The following ZDHHC17 variants were observed in gnomAD, a reference collection of about 807,000 sequenced individuals.
ZDHHC17 encodes palmitoyltransferase ZDHHC17.
In ZDHHC17, 40 loss-of-function variants were observed where a neutral mutation model predicts 90.3. The ratio of observed to expected loss-of-function variants is 0.44; its 90% CI spans 0.34 to 0.58. ZDHHC17 has a LOEUF of 0.58. Among genes scored for constraint, ZDHHC17 ranks in the 20% least tolerant of loss-of-function variants. ZDHHC17 has a pLI of 0.01. For missense variants in ZDHHC17, 614 were observed against 780.8 expected (o/e 0.79, Z 2.55); for synonymous variants, 235 against 252.4 (o/e 0.93, Z 0.65).
chr12:76,777,524 A>G (rs913171713), intron 1 of ZDHHC17, among the ~76,000 whole-genome samples: 6 of 152,188 alleles, frequency 3.9e-5, no homozygotes, highest in African/African-American at 1.4e-4. Flanking sequence ...TGTAAACATA[A>G]ATTTTGATTC....
chr12:76,847,266 G>A (rs1370305905), intron 14 of ZDHHC17, among the ~76,000 whole-genome samples: 8 of 152,194 alleles, frequency 5.3e-5, no homozygotes, highest in African/African-American at 1.9e-4. Flanking sequence ...CGTCACTTAC[G>A]ATGCCTCAGG....
chr12:76,838,138 CTTATG>C, intron 10 of ZDHHC17, among the ~76,000 whole-genome samples: 1 of 151,722 alleles, frequency 6.6e-6, no homozygotes, highest in South Asian at 2.1e-4. Context: ...GTTTTATGAT[CTTATG>C]TTTAAGCTTT....
chr12:76,764,738 G>C, intron 1 of ZDHHC17: 1 of 467,336 alleles, frequency 2.1e-6, no homozygotes, highest in South Asian at 1.5e-5. Flanking sequence ...TCGCCAGGGT[G>C]AATGACGGTA....
intron 3 of ZDHHC17, among the ~76,000 whole-genome samples, chr12:76,805,749 TAA>T (rs1952947665): frequency 6.6e-6 from 1 of 152,222 alleles, no homozygotes; most frequent in African/African-American, 2.4e-5. Flanking sequence ...ACAGACAGTT[TAA>T]ATATACTACC....
chr12:76,846,759 ATAATGACAAAGGTCGTTTAAC>A, intron 14 of ZDHHC17, 80 bp downstream of exon 14: 1 of 1,246,152 alleles, frequency 8.0e-7, no homozygotes, highest in Middle Eastern at 2.4e-4. Context: ...ACAAATTACT[ATAATGACAAAGGTCGTTTAAC>A]TAAAATTATG....
intron 1 of ZDHHC17, among the ~76,000 whole-genome samples, chr12:76,777,075 A>G (rs901141289): frequency 6.6e-6 from 1 of 152,198 alleles, no homozygotes; most frequent in African/African-American, 2.4e-5. Flanking sequence ...AGGATAGGAT[A>G]GTATATAATA....
chr12:76,807,540 A>C (rs1952969014), intron 3 of ZDHHC17, among the ~76,000 whole-genome samples: 1 of 152,212 alleles, frequency 6.6e-6, no homozygotes, highest in Non-Finnish European at 1.5e-5. Context: ...TTTTGAGCTA[A>C]GGTCTTATAG....
intron 15 of ZDHHC17, among the ~76,000 whole-genome samples, chr12:76,848,623 A>G (rs1953523620): frequency 6.6e-6 from 1 of 152,214 alleles, no homozygotes; most frequent in South Asian, 2.1e-4. Flanking sequence ...TTCCTGACTT[A>G]AATACATCCA....
In ZDHHC17 at chr12:76,772,535, G is replaced by GTT. The variant is rs34950061; in HGVS notation, c.93+8223_93+8224dup. 5.9e-4 allele frequency among the ~76,000 whole-genome samples: 58 copies of GTT among 98,570 alleles called. 1 individual carries two copies. Among genetic ancestry groups the GTT allele is most frequent in the African/African-American group, 2.1e-3 (55 of 26,778 alleles). 64.7% of individuals were successfully genotyped at this position (98,570 alleles called of 152,430 possible). A position where few individuals can be genotyped will look rare whatever the true frequency, so the allele number is the denominator to read the frequency against. ...GTGTATTCTATGGTTCTTAACACTT[G>GTT]TTTTTTTTTTTTTTTTTTGAGACGG... On this transcript the variant is annotated intron_variant, in intron 1 of 16. Coordinates refer to ENST00000426126, the MANE Select transcript of ZDHHC17 (RefSeq NM_015336.4).
chr12:76,767,464 A>G (rs1952444230), intron 1 of ZDHHC17, among the ~76,000 whole-genome samples: 2 of 152,244 alleles, frequency 1.3e-5, no homozygotes, highest in Non-Finnish European at 2.9e-5. Context: ...GAGGTATTTT[A>G]GGTAAGATAA....
At chr12:76,776,979 A>G (rs992452619) in intron 1 of ZDHHC17, among the ~76,000 whole-genome samples, 2 of 152,220 alleles carry the variant, frequency 1.3e-5, no homozygotes, top group East Asian at 3.8e-4. Flanking sequence ...TGCAGTTGTA[A>G]GAAATAACAC....
rs1160384285 is a variant in ZDHHC17 at position 76,852,739 on chromosome 12, ATG to A, written c.*1758_*1759del. ...ATCAAAAAAAGATTACCCTTAGTGT[ATG>A]TGTTTTAATATTAGAAAATTGGCAT... On this transcript the variant is annotated 3_prime_UTR_variant, in exon 17 of 17. Coordinates refer to ENST00000426126, the MANE Select transcript of ZDHHC17 (RefSeq NM_015336.4). The A allele has an allele frequency of 6.6e-6, 1 of 152,620 alleles. No individual in the cohort carries two copies. The highest frequency in any genetic ancestry group is 6.5e-5 in the Admixed American group (1 of 15,278). The allele number at this position is 152,620 out of a possible 1,614,324, so 9.5% of individuals were successfully genotyped here.
At chr12:76,812,176 A>C (rs1300801733) in intron 5 of ZDHHC17, among the ~76,000 whole-genome samples, 1 of 152,108 alleles carries the variant, frequency 6.6e-6, no homozygotes, top group Non-Finnish European at 1.5e-5. Context: ...TGTAAAAGAC[A>C]CTCTTCCAAT....
At chr12:76,833,606 C>T (rs970593533) in intron 10 of ZDHHC17, among the ~76,000 whole-genome samples, 2 of 152,012 alleles carry the variant, frequency 1.3e-5, no homozygotes, top group Non-Finnish European at 2.9e-5. Context: ...TCCTGGCTAA[C>T]ATGGTGAAAC....
chr12:76,804,949 A>G (rs1952938416), intron 2 of ZDHHC17, among the ~76,000 whole-genome samples: 1 of 152,084 alleles, frequency 6.6e-6, no homozygotes, highest in African/African-American at 2.4e-5. Context: ...TAAATCATTT[A>G]TATGCATCTT....
In ZDHHC17 at chr12:76,771,741, T is replaced by G. The variant is rs561291380; in HGVS notation, c.93+7412T>G. Among the ~76,000 whole-genome samples the G allele has an allele frequency of 2.0e-5, 3 of 151,588 alleles. No individual in the cohort carries two copies. The East Asian group carries it at 5.8e-4, about 29-fold the overall frequency. ...GTGGTTACCAAAACTATCCCTATTC[T>G]CATGAAAAAAAAAAAAGTTCTTTGA... On this transcript the variant is annotated intron_variant, in intron 1 of 16. Coordinates refer to ENST00000426126, the MANE Select transcript of ZDHHC17 (RefSeq NM_015336.4).
rs568443787 is a variant in ZDHHC17, at chr12:76,828,244, T to C, written c.1041-146T>C. On this transcript the variant is annotated intron_variant, in intron 9 of 16. Coordinates refer to ENST00000426126, the MANE Select transcript of ZDHHC17 (RefSeq NM_015336.4). ...CAGCTGTGAACTAATTTTTATTGAT[T>C]ACTATGAAAAATTGAGCATCCTGAA... 5.6e-4 allele frequency: 318 copies of C among 570,162 alleles called. 6 individuals carry two copies. The South Asian group carries it at 0.011, about 20-fold the overall frequency. 35.3% of individuals were successfully genotyped at this position (570,162 alleles called of 1,614,324 possible).
At chr12:76,825,417 CAT>C (rs540665361) in intron 8 of ZDHHC17, among the ~76,000 whole-genome samples, 12 of 152,234 alleles carry the variant, frequency 7.9e-5, no homozygotes, top group African/African-American at 2.9e-4. Flanking sequence ...AGATTTCTCA[CAT>C]AGCAGCACAT....
chr12:76,796,882 A>G (rs1297094537), intron 1 of ZDHHC17, among the ~76,000 whole-genome samples: 1 of 152,196 alleles, frequency 6.6e-6, no homozygotes, highest in African/African-American at 2.4e-5. Flanking sequence ...TCAGTTGCTA[A>G]GTTGTTACTT....
Sources: gnomAD v4.1 joint callset for allele counts (sites outside exome capture counted in the v4.1 genomes callset) on GRCh38, gnomAD v4.1.1 for gene constraint, MANE v1.5 for transcripts, NCBI Gene and HGNC (gene_info 2026-07-23, HGNC 2026-07-21) for gene names.